The following FAM107B variants were observed in gnomAD, a reference collection of about 807,000 sequenced individuals.
FAM107B encodes the protein protein FAM107B.
In FAM107B, 21 loss-of-function variants were observed where a neutral mutation model predicts 31.5. That is an observed-to-expected ratio of 0.67 (90% confidence interval 0.47 to 0.96). The LOEUF (loss-of-function observed/expected upper bound fraction) is 0.96, where lower values mean the gene tolerates loss of function less well. Ranked by LOEUF, FAM107B falls within the 40% of genes least tolerant of loss-of-function variation. The pLI is 0.00. For synonymous variants in FAM107B, 157 were observed against 141.5 expected (o/e 1.11, Z -0.78); for missense variants, 452 against 377.1 (o/e 1.20, Z -1.64).
chr10:14,630,871 C>T (rs1853336994), intron 2 of FAM107B, among the ~76,000 whole-genome samples: 1 of 151,890 alleles, frequency 6.6e-6, no homozygotes, highest in African/African-American at 2.4e-5. Context: ...TAATAATAAA[C>T]AAAAATTTTA....
intron 3 of FAM107B, among the ~76,000 whole-genome samples, chr10:14,528,331 G>A (rs7089280): frequency 0.12 from 17,919 of 151,720 alleles, 1,166 homozygotes; most frequent in Non-Finnish European, 0.15. Context: ...ACAGGCATGT[G>A]CCACCAAGCC....
chr10:14,683,386 A>AT (rs1854889332), intron 1 of FAM107B, among the ~76,000 whole-genome samples: 3 of 152,198 alleles, frequency 2.0e-5, no homozygotes, highest in Admixed American at 6.5e-5. Flanking sequence ...AAGACAAACC[A>AT]TTGTGTGTTT....
chr10:14,532,338 A>G (rs1277098053), intron 2 of FAM107B, among the ~76,000 whole-genome samples: 1 of 152,222 alleles, frequency 6.6e-6, no homozygotes, highest in Non-Finnish European at 1.5e-5. Flanking sequence ...CCACCAAACC[A>G]AAGCAACATC....
At chr10:14,638,801 A>G (rs1356004455) in intron 2 of FAM107B, among the ~76,000 whole-genome samples, 1 of 151,992 alleles carries the variant, frequency 6.6e-6, no homozygotes, top group Admixed American at 6.6e-5. Flanking sequence ...TAGATGTTGC[A>G]CTGTTTTCTC....
chr10:14,587,500 T>C (rs1311208614), intron 2 of FAM107B, among the ~76,000 whole-genome samples: 1 of 152,254 alleles, frequency 6.6e-6, no homozygotes, highest in African/African-American at 2.4e-5. Flanking sequence ...TTTCATGGTA[T>C]GAACAACTAT....
intron 2 of FAM107B, among the ~76,000 whole-genome samples, chr10:14,577,906 T>C (rs1416063037): frequency 1.3e-5 from 2 of 152,132 alleles, no homozygotes; most frequent in Non-Finnish European, 2.9e-5. Flanking sequence ...AGCCAGGAAA[T>C]ACATTGAGTT....
chr10:14,525,167 A>G (rs1846091212), intron 3 of FAM107B, among the ~76,000 whole-genome samples: 1 of 152,272 alleles, frequency 6.6e-6, no homozygotes, highest in Non-Finnish European at 1.5e-5. Context: ...GTCGACAGAC[A>G]GAAATTAGTT....
At chr10:14,527,366 C>T (rs1270888353) in intron 3 of FAM107B, among the ~76,000 whole-genome samples, 4 of 152,184 alleles carry the variant, frequency 2.6e-5, no homozygotes, top group African/African-American at 9.6e-5. Context: ...CTAGAAAGAG[C>T]ATAGGTTTCG....
intron 2 of FAM107B, among the ~76,000 whole-genome samples, chr10:14,579,673 T>G (rs1350238943): frequency 1.3e-5 from 2 of 152,144 alleles, no homozygotes; most frequent in Non-Finnish European, 2.9e-5. Context: ...TACCCCATAT[T>G]AGGAGATAAG....
chr10:14,686,150 A>C (rs1224846867), intron 1 of FAM107B, among the ~76,000 whole-genome samples: 1 of 152,064 alleles, frequency 6.6e-6, no homozygotes, highest in African/African-American at 2.4e-5. Flanking sequence ...GCACTTTGGG[A>C]GGCCGAGGTG....
At chr10:14,690,927 C>G (rs547432434) in intron 1 of FAM107B, among the ~76,000 whole-genome samples, 1 of 124,560 alleles carries the variant, frequency 8.0e-6, no homozygotes, top group Non-Finnish European at 1.7e-5. Flanking sequence ...ATTTCATGGG[C>G]ATTTGTTGAT....
intron 2 of FAM107B, among the ~76,000 whole-genome samples, chr10:14,588,164 A>C (rs1274579545): frequency 6.6e-6 from 1 of 152,162 alleles, no homozygotes; most frequent in Non-Finnish European, 1.5e-5. Context: ...CCATGTGCTC[A>C]CGTCCACCAA....
At chr10:14,542,289 A>C (rs1848288141) in intron 2 of FAM107B, among the ~76,000 whole-genome samples, 1 of 150,964 alleles carries the variant, frequency 6.6e-6, no homozygotes, top group Non-Finnish European at 1.5e-5. Context: ...AAAAAAAAAA[A>C]GTATTGAATG....
At chr10:14,758,685 G>C (rs549550370) in intron 1 of FAM107B, among the ~76,000 whole-genome samples, 4 of 152,112 alleles carry the variant, frequency 2.6e-5, no homozygotes, top group African/African-American at 7.2e-5. Flanking sequence ...GCCAGCCCCT[G>C]AGAAATCCAG....
intron 3 of FAM107B, among the ~76,000 whole-genome samples, chr10:14,528,364 T>A (rs369280987): frequency 6.6e-6 from 1 of 152,040 alleles, no homozygotes; most frequent in Non-Finnish European, 1.5e-5. Flanking sequence ...GTATTTTTAG[T>A]AGAGACAGGG....
At chr10:14,770,648 T>A (rs1833280350) in intron 1 of FAM107B, among the ~76,000 whole-genome samples, 1 of 152,142 alleles carries the variant, frequency 6.6e-6, no homozygotes, top group African/African-American at 2.4e-5. Flanking sequence ...AAGTTATCAT[T>A]AAGAGGTACT....
At chr10:14,683,638 G>T (rs947491027) in intron 1 of FAM107B, among the ~76,000 whole-genome samples, 2 of 152,170 alleles carry the variant, frequency 1.3e-5, no homozygotes, top group Admixed American at 1.3e-4. Flanking sequence ...GATGAGCTGA[G>T]AAACATTAGA....
chr10:14,772,624 CA>C (rs1278023892), intron 1 of FAM107B, among the ~76,000 whole-genome samples: 1 of 152,098 alleles, frequency 6.6e-6, no homozygotes, highest in Non-Finnish European at 1.5e-5. Flanking sequence ...TGTCCTGCCT[CA>C]TGGAGCCCCT....
chr10:14,742,853 C>G (rs1334113196), intron 1 of FAM107B, among the ~76,000 whole-genome samples: 1 of 152,152 alleles, frequency 6.6e-6, no homozygotes, highest in Non-Finnish European at 1.5e-5. Context: ...TCCTTCTCTC[C>G]TTTACTTACT....
Sources: gnomAD v4.1 joint callset for allele counts (sites outside exome capture counted in the v4.1 genomes callset) on GRCh38, gnomAD v4.1.1 for gene constraint, MANE v1.5 for transcripts, NCBI Gene and HGNC (gene_info 2026-07-23, HGNC 2026-07-21) for gene names.